CACNA1C: variants seen among roughly 807,000 people sequenced by gnomAD.
CACNA1C encodes voltage-dependent L-type calcium channel subunit alpha-1C.
Under a neutral mutation model 229.0 loss-of-function variants are expected in CACNA1C, and 30 were observed. That is an observed-to-expected ratio of 0.13 (90% CI 0.10 to 0.18). The LOEUF (loss-of-function observed/expected upper bound fraction) is 0.18, where lower values mean the gene tolerates loss of function less well. CACNA1C is among the 10% of genes least tolerant of loss of function. The pLI is 1.00. For synonymous variants in CACNA1C, 1,114 were observed against 1,132.5 expected, an observed-to-expected ratio of 0.98 and a Z score of 0.33; for missense variants, 1,658 against 2,845.0, an observed-to-expected ratio of 0.58 and a Z score of 9.49.
intron 3 of CACNA1C, among the ~76,000 whole-genome samples, chr12:2,198,061 A>T (rs758926065): frequency 6.6e-6 from 1 of 152,192 alleles, no homozygotes; most frequent in Non-Finnish European, 1.5e-5. Flanking sequence ...CTCATTATGC[A>T]GCTTGCCTGG....
chr12:2,143,961 T>TA (rs2094495952), intron 3 of CACNA1C, among the ~76,000 whole-genome samples: 1 of 151,220 alleles, frequency 6.6e-6, no homozygotes, highest in Non-Finnish European at 1.5e-5. Context: ...GTTGTGTCTT[T>TA]ACTTTTCAGC....
chr12:1,984,778 TA>T (rs764705302), intron 1 of CACNA1C, among the ~76,000 whole-genome samples: 1,371 of 81,326 alleles, frequency 0.017, 4 homozygotes, highest in South Asian at 0.026. Flanking sequence ...GGTCTTCTGG[TA>T]AAAAAAAAAA....
chr12:2,668,336 G>A (rs1229363676), intron 37 of CACNA1C, among the ~76,000 whole-genome samples: 2 of 152,112 alleles, frequency 1.3e-5, no homozygotes, highest in African/African-American at 4.8e-5. Context: ...CACGAGGAGG[G>A]TCAAAAGTAG....
chr12:2,249,663 G>C (rs987220654), intron 3 of CACNA1C, among the ~76,000 whole-genome samples: 1 of 152,164 alleles, frequency 6.6e-6, no homozygotes, highest in Non-Finnish European at 1.5e-5. Context: ...TTGCACCTGG[G>C]ATTCAGGGGA....
At chr12:2,207,192 T>G (rs2082906321) in intron 3 of CACNA1C, among the ~76,000 whole-genome samples, 1 of 152,180 alleles carries the variant, frequency 6.6e-6, no homozygotes, top group South Asian at 2.1e-4. Context: ...ATTTGGGGGA[T>G]AGACCAGGCT....
In CACNA1C at chr12:2,653,037, G is replaced by T. The variant is rs546982576; in HGVS notation, c.4075-798G>T. 1.3e-3 allele frequency among the ~76,000 whole-genome samples: 200 copies of T among 152,342 alleles called. No homozygotes were observed. The highest frequency in any genetic ancestry group is 4.5e-3 in the African/African-American group (189 of 41,588). On this transcript the variant is annotated intron_variant, in intron 32 of 46. Coordinates refer to ENST00000399655, the MANE Select transcript of CACNA1C (RefSeq NM_000719.7). This position sits in a 1 kb window ranked among gnomAD's most constrained non-coding sequence, Gnocchi z 4.7. ...GACCGGTGGCCACGGCTGAAGCGGC[G>T]CCCGGGAACACGGGCTGGGCCTCCC... is the stretch of plus-strand genomic sequence containing the variant.
chr12:2,153,227 T>C (rs929433412), intron 3 of CACNA1C, among the ~76,000 whole-genome samples: 8 of 152,192 alleles, frequency 5.3e-5, no homozygotes, highest in East Asian at 1.9e-4. Flanking sequence ...GCCCTTATCC[T>C]TGAGGTTAAT....
intron 3 of CACNA1C, among the ~76,000 whole-genome samples, chr12:2,242,168 T>C (rs1007518961): frequency 1.3e-5 from 2 of 152,190 alleles, no homozygotes; most frequent in Non-Finnish European, 2.9e-5. Flanking sequence ...GCTACATTCC[T>C]GCCACCCTAT....
rs1454114020 is a variant in CACNA1C, at chr12:2,319,437, T to C, written c.478-129539T>C. ...CAGTGTACACGATGAGCAGCCACCA[T>C]GCATCAGGAGGAAGAGACCTCGCTC... On this transcript the variant is annotated intron_variant, in intron 3 of 46. Transcript: ENST00000399655. This position sits in a 1 kb window ranked among gnomAD's most constrained non-coding sequence, Gnocchi z 4.0. 6.6e-6 allele frequency among the ~76,000 whole-genome samples: 1 copy of C among 152,104 alleles called. No homozygotes were observed. The highest frequency in any genetic ancestry group is 1.5e-5 in the Non-Finnish European group (1 of 68,004).
At position 2,034,519 on chromosome 12, in the gene CACNA1C, G is replaced by A. The variant is rs1055124236; in HGVS notation, c.139+63318G>A. On this transcript the variant is annotated intron_variant, in intron 1 of 46. Coordinates refer to the CACNA1C transcript ENST00000682462. This position sits in a 1 kb window ranked among gnomAD's most constrained non-coding sequence, Gnocchi z 4.1. The stretch of plus-strand genomic sequence containing the variant: ...CTGAGGTACTAAGGTTGAGGGTACT[G>A]TGGTGGGTATTTAATACTAAGAGTC... Among the ~76,000 whole-genome samples the A allele has an allele frequency of 1.2e-4, 19 of 152,346 alleles. No individual in the cohort carries two copies. Among genetic ancestry groups the A allele is most frequent in the Admixed American group, 5.9e-4 (9 of 15,310 alleles).
chr12:2,582,980 A>G, intron 15 of CACNA1C, 38 bp downstream of exon 15: 2 of 1,354,036 alleles, frequency 1.5e-6, no homozygotes, highest in South Asian at 1.3e-5. Context: ...TGCGGCCCCC[A>G]GCCCCCAGCC....
At chr12:2,252,264 G>A (rs150421000) in intron 3 of CACNA1C, among the ~76,000 whole-genome samples, 1 of 152,206 alleles carries the variant, frequency 6.6e-6, no homozygotes, top group Non-Finnish European at 1.5e-5. Context: ...GGGGGCTCTT[G>A]TGGGGCTTGC....
chr12:2,062,312 C>T (rs186005361), intron 1 of CACNA1C, among the ~76,000 whole-genome samples: 25 of 152,318 alleles, frequency 1.6e-4, no homozygotes, highest in African/African-American at 3.4e-4. Context: ...AATCCTACCA[C>T]GTGGGTTTTA....
In CACNA1C at chr12:2,171,545, A is replaced by G. The variant is rs544606762; in HGVS notation, c.477+51115A>G. Among the ~76,000 whole-genome samples the G allele has an allele frequency of 3.3e-5, 5 of 149,940 alleles. No homozygotes were observed. The South Asian group carries it at 1.1e-3, about 32-fold the overall frequency. On this transcript the variant is annotated intron_variant, in intron 3 of 46. Transcript: ENST00000399655. ...AGGGAACCTTAGGAATGTCACTTAA[A>G]CTCTTTGAGCCTTCTTTCTCTTCTT... is the stretch of plus-strand genomic sequence containing the variant.
chr12:2,636,067 G>A (rs1355467242), intron 30 of CACNA1C, among the ~76,000 whole-genome samples: 1 of 152,252 alleles, frequency 6.6e-6, no homozygotes, highest in Admixed American at 6.5e-5. Flanking sequence ...TGTGCCCAGA[G>A]CTTGTGCCAT....
intron 1 of CACNA1C, among the ~76,000 whole-genome samples, chr12:2,109,520 G>A (rs937866661): frequency 6.6e-6 from 1 of 152,202 alleles, no homozygotes; most frequent in African/African-American, 2.4e-5. Flanking sequence ...GCATTGGACC[G>A]GGCCCAGAGG....
In CACNA1C at chr12:2,585,485, C is replaced by T. The variant is rs112532048; in HGVS notation, c.2449C>T (p.Pro817Ser). 4.1e-3 allele frequency: 6,380 copies of T among 1,561,540 alleles called. 14 individuals are homozygous for T. Among genetic ancestry groups the T allele is most frequent in the Non-Finnish European group, 5.1e-3 (5,863 of 1,152,254 alleles). ...CATCACGGCTGACGGAGAGTCTCCA[C>T]CCGCCACCAAGGTGAGGAGCTGTCT... is the stretch of plus-strand genomic sequence containing the variant. ...KSITADGESP[P>S]ATKINMDDLQ... The change falls in exon 17 of 47, where the codon CCC becomes TCC. Residue 817 changes from proline (P) to serine (S), a missense_variant. Physicochemically the swap from Pro to Ser is moderately conservative, Grantham distance 74. Transcript: ENST00000399655. The surrounding 1 kb of genome is among the most constrained non-coding windows in gnomAD (Gnocchi z 4.1).
chr12:2,516,810 A>T (rs1034244506), intron 9 of CACNA1C, among the ~76,000 whole-genome samples: 2 of 152,228 alleles, frequency 1.3e-5, no homozygotes, highest in African/African-American at 4.8e-5. Flanking sequence ...GTATGTAATA[A>T]GGAATGAACC....
chr12:2,437,258 A>G (rs1443569155), intron 3 of CACNA1C, among the ~76,000 whole-genome samples: 1 of 152,298 alleles, frequency 6.6e-6, no homozygotes, highest in South Asian at 2.1e-4. Flanking sequence ...GTAGGGGAAG[A>G]GTGGGGAGGC....
Sources: gnomAD v4.1 joint callset for allele counts (sites outside exome capture counted in the v4.1 genomes callset) on GRCh38, gnomAD v4.1.1 for gene constraint, Gnocchi (gnomAD v3.1) non-coding constraint, MANE v1.5 for transcripts, NCBI Gene and HGNC (gene_info 2026-07-23, HGNC 2026-07-21) for gene names.